The following ADCY2 variants were observed in gnomAD, a reference collection of about 807,000 sequenced individuals.
The protein encoded by ADCY2 is adenylate cyclase 2.
In ADCY2, 31 loss-of-function variants were observed where a neutral mutation model predicts 125.2. The observed-to-expected ratio is 0.25, with a 90% CI of 0.19 to 0.33. The LOEUF is 0.33. Among genes scored for constraint, ADCY2 ranks in the 10% least tolerant of loss-of-function variants. The pLI, the probability that ADCY2 is intolerant of heterozygous loss-of-function variation, is 1.00. For synonymous variants in ADCY2, 512 were observed against 548.4 expected (o/e 0.93, Z 0.93); for missense variants, 904 against 1,418.2 (o/e 0.64, Z 5.82).
At chr5:7,608,293 T>A (rs1460164233) in intron 3 of ADCY2, among the ~76,000 whole-genome samples, 4 of 152,074 alleles carry the variant, frequency 2.6e-5, no homozygotes, top group African/African-American at 9.7e-5. Flanking sequence ...TTTAAATGCT[T>A]AAAACAGGCT....
chr5:7,780,346 C>T (rs1432790899), intron 18 of ADCY2, among the ~76,000 whole-genome samples: 1 of 152,196 alleles, frequency 6.6e-6, no homozygotes, highest in Non-Finnish European at 1.5e-5. Flanking sequence ...TCGGACAAGA[C>T]ATTTGCTTTC....
At chr5:7,655,521 G>A (rs1178831624) in intron 4 of ADCY2, among the ~76,000 whole-genome samples, 1 of 152,188 alleles carries the variant, frequency 6.6e-6, no homozygotes, top group Non-Finnish European at 1.5e-5. Flanking sequence ...CCAAAACAGG[G>A]ACTAATTCCT....
chr5:7,416,331 C>T (rs1561013246), intron 2 of ADCY2, among the ~76,000 whole-genome samples: 1 of 152,148 alleles, frequency 6.6e-6, no homozygotes, highest in Non-Finnish European at 1.5e-5. Context: ...GCCATCACCT[C>T]TCCTTTATCA....
At chr5:7,590,870 G>T (rs1322873534) in intron 3 of ADCY2, among the ~76,000 whole-genome samples, 2 of 152,008 alleles carry the variant, frequency 1.3e-5, no homozygotes, top group Admixed American at 6.6e-5. Context: ...ATATAGTCAA[G>T]ACTCTTATTA....
intron 2 of ADCY2, among the ~76,000 whole-genome samples, chr5:7,417,506 G>A (rs1740000687): frequency 6.6e-6 from 1 of 152,186 alleles, no homozygotes; most frequent in Non-Finnish European, 1.5e-5. Context: ...AGGACAGAGT[G>A]TAAGTGGCAT....
intron 9 of ADCY2, among the ~76,000 whole-genome samples, chr5:7,708,364 A>G (rs1741332480): frequency 6.6e-6 from 1 of 152,222 alleles, no homozygotes; most frequent in South Asian, 2.1e-4. Flanking sequence ...ACATAAGAAC[A>G]TCTACTGCCT....
chr5:7,502,693 AT>A (rs1336360378), intron 2 of ADCY2, among the ~76,000 whole-genome samples: 1 of 152,186 alleles, frequency 6.6e-6, no homozygotes, highest in East Asian at 1.9e-4. Flanking sequence ...CTCTTCCAGG[AT>A]AATTTGCCCA....
intron 4 of ADCY2, among the ~76,000 whole-genome samples, chr5:7,676,720 G>C (rs2126710190): frequency 6.6e-6 from 1 of 152,278 alleles, no homozygotes; most frequent in South Asian, 2.1e-4. Context: ...ATAATAATTT[G>C]CGTATTCACC....
chr5:7,532,092 A>C (rs141725093), intron 3 of ADCY2, among the ~76,000 whole-genome samples: 1 of 152,336 alleles, frequency 6.6e-6, no homozygotes, highest in Non-Finnish European at 1.5e-5. Context: ...ATAAAGCAAA[A>C]CTACAAAAAT....
intron 3 of ADCY2, among the ~76,000 whole-genome samples, chr5:7,584,933 G>A (rs960885999): frequency 1.3e-5 from 2 of 152,030 alleles, no homozygotes; most frequent in Non-Finnish European, 2.9e-5. Context: ...GAAATACACA[G>A]CATCACAAAC....
At chr5:7,792,217 C>A (rs1319656975) in intron 20 of ADCY2, among the ~76,000 whole-genome samples, 31 of 99,442 alleles carry the variant, frequency 3.1e-4, no homozygotes, top group African/African-American at 7.8e-4. Context: ...ACTAAAAATA[C>A]AAAAAAAAAA....
intron 17 of ADCY2, among the ~76,000 whole-genome samples, chr5:7,770,690 TC>T (rs1743527698): frequency 6.6e-6 from 1 of 152,186 alleles, no homozygotes; most frequent in African/African-American, 2.4e-5. Flanking sequence ...GGGGACAGGA[TC>T]ACTGAATAAG....
chr5:7,408,584 G>T (rs1739590520), intron 1 of ADCY2, among the ~76,000 whole-genome samples: 1 of 151,744 alleles, frequency 6.6e-6, no homozygotes, highest in Non-Finnish European at 1.5e-5. Context: ...GCCAGCCTGG[G>T]CTCGAACTCC....
At chr5:7,502,511 G>A (rs897084998) in intron 2 of ADCY2, among the ~76,000 whole-genome samples, 2 of 152,334 alleles carry the variant, frequency 1.3e-5, no homozygotes, top group African/African-American at 4.8e-5. Context: ...GCATCACAAG[G>A]CCCTCTTCTG....
chr5:7,818,698 T>C (rs1745200833), intron 23 of ADCY2, among the ~76,000 whole-genome samples: 1 of 152,208 alleles, frequency 6.6e-6, no homozygotes, highest in South Asian at 2.1e-4. Flanking sequence ...GTTCTGTGCA[T>C]AGTAAACCCC....
At chr5:7,701,958 C>T (rs562671317) in intron 7 of ADCY2, among the ~76,000 whole-genome samples, 1 of 152,028 alleles carries the variant, frequency 6.6e-6, no homozygotes, top group South Asian at 2.1e-4. Context: ...AGGGACCTCT[C>T]CCAATTCTTG....
At chr5:7,821,938 G>A (rs781655796) in intron 24 of ADCY2, among the ~76,000 whole-genome samples, 16 of 152,154 alleles carry the variant, frequency 1.1e-4, no homozygotes, top group Non-Finnish European at 1.8e-4. Context: ...AGGTTCCCCC[G>A]GTGAAGGAAG....
chr5:7,396,232 G>A lies in ADCY2; in HGVS notation c.-65G>A, dbSNP rs1244754124. ...GAGGCGGCGCGGGGGTGGGACGCGG[G>A]CGGCCGCGGCGAGCGGCGCTGCCCG... On this transcript the variant is annotated 5_prime_UTR_variant, in exon 1 of 25. Transcript: ENST00000338316. This position sits in a 1 kb window ranked among gnomAD's most constrained non-coding sequence, Gnocchi z 5.7. 4.3e-5 allele frequency: 39 copies of A among 912,868 alleles called. No individual in the cohort carries two copies. In the African/African-American group the frequency reaches 6.5e-4, roughly 15 times the overall value. 56.5% of individuals were successfully genotyped at this position (912,868 alleles called of 1,614,324 possible).
intron 4 of ADCY2, among the ~76,000 whole-genome samples, chr5:7,633,040 C>T (rs1001285005): frequency 4.6e-5 from 7 of 151,972 alleles, no homozygotes; most frequent in African/African-American, 1.5e-4. Context: ...GAATCACTGT[C>T]CAGTATTGAT....
Sources: allele counts gnomAD v4.1 joint callset (sites outside exome capture counted in the v4.1 genomes callset), GRCh38; gene constraint gnomAD v4.1.1; non-coding constraint Gnocchi (gnomAD v3.1); transcripts MANE v1.5; gene names NCBI Gene and HGNC (gene_info 2026-07-23, HGNC 2026-07-21).